Variants in DENND4C observed in about 807,000 individuals in gnomAD.
DENND4C encodes DENN domain-containing protein 4C.
DENND4C carries 108 observed loss-of-function variants against 203.0 expected under a neutral mutation model. The observed-to-expected ratio is 0.53, with a 90% CI of 0.46 to 0.62. The LOEUF (loss-of-function observed/expected upper bound fraction) is 0.62, where lower values mean the gene tolerates loss of function less well. Ranked by LOEUF, DENND4C falls within the 20% of genes least tolerant of loss-of-function variation. The probability of loss-of-function intolerance (pLI) is 0.00; values close to 1 mark genes in which losing one functional copy is unlikely to be tolerated. For synonymous variants in DENND4C, 871 were observed against 792.4 expected, an observed-to-expected ratio of 1.10 and a Z score of -1.67; for missense variants, 2,481 against 2,301.2, an observed-to-expected ratio of 1.08 and a Z score of -1.60.
At chr9:19,325,850 G>GT (rs1202266309) in intron 13 of DENND4C, 89 bp from the exon 14 acceptor site, 4 of 1,335,012 alleles carry the variant, frequency 3.0e-6, no homozygotes, top group African/African-American at 1.5e-5. Flanking sequence ...AAAAGGGGTA[G>GT]TTTTTTTCTA....
chr9:19,330,072 C>G (rs1233922414), intron 16 of DENND4C, among the ~76,000 whole-genome samples: 1 of 152,124 alleles, frequency 6.6e-6, no homozygotes, highest in Non-Finnish European at 1.5e-5. Context: ...TCATACAGTT[C>G]ATATTTCTTT....
intron 30 of DENND4C, among the ~76,000 whole-genome samples, chr9:19,363,706 A>C (rs746051553): frequency 6.6e-6 from 1 of 151,888 alleles, no homozygotes; most frequent in Non-Finnish European, 1.5e-5. Flanking sequence ...ATATAACTTT[A>C]TATTTTAAAA....
At chr9:19,260,754 CTGTAGGT>C (rs1023711147) in intron 1 of DENND4C, among the ~76,000 whole-genome samples, 5 of 152,186 alleles carry the variant, frequency 3.3e-5, no homozygotes, top group African/African-American at 1.2e-4. Context: ...TTTCTCCCAT[CTGTAGGT>C]TGTCTCTTCA....
At chr9:19,330,333 G>GT (rs398010417) in intron 16 of DENND4C, among the ~76,000 whole-genome samples, 1,035 of 97,114 alleles carry the variant, frequency 0.011, 13 homozygotes, top group Middle Eastern at 0.016. Flanking sequence ...TACCAAGTTG[G>GT]TTTTTTTTTT....
At chr9:19,316,018 C>A (rs1588903326) in intron 10 of DENND4C, among the ~76,000 whole-genome samples, 2 of 152,156 alleles carry the variant, frequency 1.3e-5, no homozygotes, top group East Asian at 3.8e-4. Flanking sequence ...ACTACATGTG[C>A]TTTTAATCCT....
Position 19,273,178 on chromosome 9 carries a change from C to G in DENND4C, c.-17-2980C>G, listed in dbSNP as rs1046538821. Among the ~76,000 whole-genome samples the G allele has an allele frequency of 1.4e-4, 22 of 151,872 alleles. 2 individuals carry two copies. The highest frequency in any genetic ancestry group is 4.6e-4 in the Admixed American group (7 of 15,258). ...TAGGTTAGCCAGATGGTCTCAATCT[C>G]CTGACCTCGTGATCCACCTGCCTCG... On this transcript the variant is annotated intron_variant, in intron 1 of 32. Transcript: ENST00000434457.
intron 2 of DENND4C, 35 bp from the exon 3 acceptor site, chr9:19,286,734 A>G: frequency 2.4e-6 from 3 of 1,226,402 alleles, no homozygotes; most frequent in African/African-American, 3.1e-5. Context: ...GTATGTATAT[A>G]TCTATATCTA....
At chr9:19,246,372 C>A (rs576794518) in intron 1 of DENND4C, among the ~76,000 whole-genome samples, 1 of 152,242 alleles carries the variant, frequency 6.6e-6, no homozygotes, top group East Asian at 1.9e-4. Context: ...TGTCCTTCTA[C>A]TTTGTTTGCT....
intron 6 of DENND4C, among the ~76,000 whole-genome samples, chr9:19,296,884 C>G (rs1245131776): frequency 6.6e-6 from 1 of 152,194 alleles, no homozygotes. Flanking sequence ...CGTAATACCT[C>G]TCTAAAGTGA....
chr9:19,350,851 A>G lies in DENND4C; in HGVS notation c.4467A>G (p.Gly1489=). Residue 1489 remains glycine (G), a synonymous_variant, in exon 24 of 33, where the codon GGA becomes GGG. Coordinates refer to ENST00000434457, the MANE Select transcript of DENND4C (RefSeq NM_001330640.2). ...GTCTTGGCAGTAGCAGCAGTAGTGG[A>G]GATGTAGGAAAACTGCATTATCCAA... ...NTSLGSSSSS[G]DVGKLHYPTG... is the part of the protein sequence containing the mutation. The G allele has an allele frequency of 6.2e-7, 1 of 1,613,914 alleles. No homozygotes were observed. The highest frequency in any genetic ancestry group is 8.5e-7 in the Non-Finnish European group (1 of 1,179,938).
At chr9:19,348,414 A>G (rs571750029) in intron 23 of DENND4C, among the ~76,000 whole-genome samples, 1 of 152,314 alleles carries the variant, frequency 6.6e-6, no homozygotes, top group African/African-American at 2.4e-5. Flanking sequence ...AGCAGGTGAT[A>G]TCTAATTTAG....
intron 2 of DENND4C, among the ~76,000 whole-genome samples, chr9:19,277,337 A>G (rs1833082514): frequency 6.6e-6 from 1 of 152,112 alleles, no homozygotes; most frequent in Admixed American, 6.6e-5. Context: ...AATGTTTTCC[A>G]TTGGTTTAGG....
chr9:19,359,031 A>G (rs1424893237), intron 28 of DENND4C, among the ~76,000 whole-genome samples: 1 of 151,892 alleles, frequency 6.6e-6, no homozygotes, highest in Non-Finnish European at 1.5e-5. Context: ...CTTCCTTATA[A>G]TAAGGAATAC....
chr9:19,366,086 A>T (rs1486030335), intron 30 of DENND4C, among the ~76,000 whole-genome samples: 2 of 152,226 alleles, frequency 1.3e-5, no homozygotes, highest in Non-Finnish European at 2.9e-5. Context: ...ATTCATATGG[A>T]TGTTCAAGGG....
chr9:19,333,174 C>T (rs1463342410), intron 17 of DENND4C, among the ~76,000 whole-genome samples: 1 of 151,752 alleles, frequency 6.6e-6, no homozygotes, highest in African/African-American at 2.4e-5. Flanking sequence ...ACCACCACGT[C>T]TAATTTTTTT....
chr9:19,312,548 C>G (rs1199538836), intron 10 of DENND4C, among the ~76,000 whole-genome samples: 2 of 152,138 alleles, frequency 1.3e-5, no homozygotes. Flanking sequence ...GCACAAGAAA[C>G]TAGTGATTAT....
chr9:19,289,974 C>A (rs2131152870), intron 4 of DENND4C, among the ~76,000 whole-genome samples: 1 of 151,996 alleles, frequency 6.6e-6, no homozygotes, highest in African/African-American at 2.4e-5. Flanking sequence ...CCAAAGTATT[C>A]AGTTATTTGA....
chr9:19,336,008 G>A (rs34400018), intron 18 of DENND4C, among the ~76,000 whole-genome samples: 1 of 151,398 alleles, frequency 6.6e-6, no homozygotes, highest in Non-Finnish European at 1.5e-5. Context: ...GGGTTCTTTT[G>A]TCCACATCCT....
chr9:19,253,949 T>G (rs1282409396), intron 1 of DENND4C, among the ~76,000 whole-genome samples: 1 of 152,156 alleles, frequency 6.6e-6, no homozygotes, highest in East Asian at 1.9e-4. Context: ...AGAACCAGCC[T>G]ACGCAACATA....
Sources: allele counts gnomAD v4.1 joint callset (sites outside exome capture counted in the v4.1 genomes callset), GRCh38; gene constraint gnomAD v4.1.1; transcripts MANE v1.5; gene names NCBI Gene and HGNC (gene_info 2026-07-23, HGNC 2026-07-21).